The following TSHZ2 variants were observed in gnomAD, a reference collection of about 807,000 sequenced individuals.
TSHZ2 encodes the protein teashirt homolog 2.
In TSHZ2, 21 loss-of-function variants were observed where a neutral mutation model predicts 74.4. The observed-to-expected ratio is 0.28, with a 90% confidence interval of 0.20 to 0.41. TSHZ2 has a LOEUF of 0.41. Among genes scored for constraint, TSHZ2 ranks in the 10% least tolerant of loss-of-function variants. TSHZ2 has a pLI of 1.00. For synonymous variants in TSHZ2, 540 were observed against 515.3 expected, an observed-to-expected ratio of 1.05 and a Z score of -0.65; for missense variants, 1,244 against 1,293.5, an observed-to-expected ratio of 0.96 and a Z score of 0.59.
chr20:53,434,985 A>G (rs985685252), intron 2 of TSHZ2, among the ~76,000 whole-genome samples: 1 of 152,246 alleles, frequency 6.6e-6, no homozygotes, highest in Non-Finnish European at 1.5e-5. Flanking sequence ...TTCTTTTCAC[A>G]TAGTATTTCT....
chr20:53,423,088 G>C (rs1983535398), intron 2 of TSHZ2, among the ~76,000 whole-genome samples: 1 of 152,146 alleles, frequency 6.6e-6, no homozygotes, highest in African/African-American at 2.4e-5. Flanking sequence ...CACCTACACT[G>C]TCTCCTGGTA....
intron 2 of TSHZ2, among the ~76,000 whole-genome samples, chr20:53,317,769 GCCGAT>G (rs1450348268): frequency 2.0e-5 from 3 of 152,190 alleles, no homozygotes; most frequent in African/African-American, 7.2e-5. Flanking sequence ...AAAGGACATT[GCCGAT>G]CAAAAACCCT....
At chr20:53,120,323 T>C (rs925919649) in intron 1 of TSHZ2, among the ~76,000 whole-genome samples, 1 of 152,188 alleles carries the variant, frequency 6.6e-6, no homozygotes, top group Non-Finnish European at 1.5e-5. Context: ...CTACAAAGTA[T>C]GATAATCGTT....
At chr20:53,311,007 C>CCAT (rs1163210266) in intron 2 of TSHZ2, among the ~76,000 whole-genome samples, 1 of 152,152 alleles carries the variant, frequency 6.6e-6, no homozygotes, top group Non-Finnish European at 1.5e-5. Context: ...AATGAGTATA[C>CCAT]CATTACAGAG....
At chr20:53,066,598 C>T (rs540272926) in intron 1 of TSHZ2, among the ~76,000 whole-genome samples, 2 of 152,248 alleles carry the variant, frequency 1.3e-5, no homozygotes, top group South Asian at 4.1e-4. Context: ...ACCTCCGCCT[C>T]CTGGGTTCAA....
intron 2 of TSHZ2, among the ~76,000 whole-genome samples, chr20:53,332,632 A>G (rs1033104529): frequency 6.6e-6 from 1 of 152,178 alleles, no homozygotes; most frequent in Non-Finnish European, 1.5e-5. Context: ...AAATGGAATG[A>G]CGAGGCGAAA....
chr20:53,415,753 A>G (rs976003011), intron 2 of TSHZ2, among the ~76,000 whole-genome samples: 1 of 7,198 alleles, frequency 1.4e-4, no homozygotes, highest in Non-Finnish European at 3.2e-4. Context: ...ATGTGTATGC[A>G]CACATGCATG....
At chr20:53,194,380 T>C (rs1988809055) in intron 1 of TSHZ2, among the ~76,000 whole-genome samples, 2 of 152,252 alleles carry the variant, frequency 1.3e-5, no homozygotes, top group Admixed American at 1.3e-4. Flanking sequence ...CTCCACATTG[T>C]AACTAGTCAA....
intron 2 of TSHZ2, among the ~76,000 whole-genome samples, chr20:53,292,268 G>A (rs1473042680): frequency 6.6e-6 from 1 of 152,108 alleles, no homozygotes; most frequent in Non-Finnish European, 1.5e-5. Flanking sequence ...GAGTTAATCT[G>A]AGACCATCTG....
At chr20:53,342,731 C>G (rs1248744352) in intron 2 of TSHZ2, among the ~76,000 whole-genome samples, 1 of 152,050 alleles carries the variant, frequency 6.6e-6, no homozygotes, top group Non-Finnish European at 1.5e-5. Context: ...AATCCAGGGC[C>G]TCTGCAATCT....
chr20:53,444,038 C>CCAT (rs1984451130), intron 2 of TSHZ2, among the ~76,000 whole-genome samples: 2 of 152,182 alleles, frequency 1.3e-5, no homozygotes, highest in South Asian at 4.2e-4. Flanking sequence ...CGGTGGCCAG[C>CCAT]CATCATCGTT....
intron 2 of TSHZ2, among the ~76,000 whole-genome samples, chr20:53,435,407 T>C (rs1016864050): frequency 1.1e-4 from 16 of 152,198 alleles, no homozygotes; most frequent in African/African-American, 3.9e-4. Context: ...CCCCGGGTAA[T>C]GAGCACATAT....
At chr20:53,122,858 G>A (rs1986849756) in intron 1 of TSHZ2, among the ~76,000 whole-genome samples, 2 of 152,162 alleles carry the variant, frequency 1.3e-5, no homozygotes, top group Admixed American at 1.3e-4. Context: ...CATGAGGAAG[G>A]CCCACTCTCA....
At chr20:53,101,643 T>C (rs1986221891) in intron 1 of TSHZ2, among the ~76,000 whole-genome samples, 1 of 152,250 alleles carries the variant, frequency 6.6e-6, no homozygotes, top group Non-Finnish European at 1.5e-5. Flanking sequence ...TTTCTTCCTC[T>C]TTTTTATTAT....
At chr20:53,191,726 C>T (rs1568804289) in intron 1 of TSHZ2, among the ~76,000 whole-genome samples, 1 of 152,228 alleles carries the variant, frequency 6.6e-6, no homozygotes, top group African/African-American at 2.4e-5. Context: ...TGTCTTATCA[C>T]TTGTTCCCCA....
At chr20:53,404,888 A>G (rs1473631808) in intron 2 of TSHZ2, among the ~76,000 whole-genome samples, 2 of 142,948 alleles carry the variant, frequency 1.4e-5, no homozygotes, top group Non-Finnish European at 3.2e-5. Context: ...GACTTAAACA[A>G]TTATTTTGTA....
At chr20:52,997,873 GA>G (rs1982264849) in intron 1 of TSHZ2, among the ~76,000 whole-genome samples, 1 of 152,130 alleles carries the variant, frequency 6.6e-6, no homozygotes, top group Admixed American at 6.5e-5. Context: ...CTGCTTTTAG[GA>G]TAAACAGATG....
intron 2 of TSHZ2, among the ~76,000 whole-genome samples, chr20:53,397,345 C>T (rs1412584325): frequency 6.6e-6 from 1 of 152,194 alleles, no homozygotes. Context: ...CAAAAGAAGA[C>T]ATTTATGCAG....
chr20:53,201,918 G>A lies in TSHZ2; in HGVS notation c.41-51581G>A, dbSNP rs749609254. On this transcript the variant is annotated intron_variant, in intron 1 of 2. Transcript: ENST00000371497. The stretch of plus-strand genomic sequence containing the variant: ...CCTGGCTGACAACCGCTGGGGTAGC[G>A]AAGTAATGGCAGAGAAGGCCAGAAG... Among the ~76,000 whole-genome samples the A allele has an allele frequency of 6.6e-5, 10 of 152,308 alleles. No homozygotes were observed. The East Asian group carries it at 1.5e-3, about 24-fold the overall frequency.
Sources: allele counts gnomAD v4.1 joint callset (sites outside exome capture counted in the v4.1 genomes callset), GRCh38; gene constraint gnomAD v4.1.1; transcripts MANE v1.5; gene names NCBI Gene and HGNC (gene_info 2026-07-23, HGNC 2026-07-21).